Variants in ZNF362 observed in about 807,000 individuals in gnomAD.
The protein encoded by ZNF362 is rotund homolog.
ZNF362 carries 11 observed loss-of-function variants against 42.9 expected under a neutral mutation model. That is an observed-to-expected ratio of 0.26 (90% CI 0.16 to 0.42). The LOEUF is 0.42. Ranked by LOEUF, ZNF362 falls within the 20% of genes least tolerant of loss-of-function variation. ZNF362 has a pLI of 1.00. For missense variants in ZNF362, 362 were observed against 576.2 expected (o/e 0.63, Z 3.81); for synonymous variants, 255 against 257.3 (o/e 0.99, Z 0.09).
At chr1:33,180,684 C>T in the ZNF362 span, among the ~76,000 whole-genome samples, 1 of 152,234 alleles carries the variant, frequency 6.6e-6, no homozygotes, top group Non-Finnish European at 1.5e-5. Context: ...CACAACCCTG[C>T]CCCAGCCCAG....
chr1:33,297,440 C>G (rs540387863), intron 8 of ZNF362, among the ~76,000 whole-genome samples: 1 of 152,036 alleles, frequency 6.6e-6, no homozygotes, highest in African/African-American at 2.4e-5. Context: ...ATCAGATACT[C>G]AAATACCCGT....
At chr1:33,156,261 T>A in the ZNF362 span, among the ~76,000 whole-genome samples, 1 of 152,048 alleles carries the variant, frequency 6.6e-6, no homozygotes, top group East Asian at 1.9e-4. Flanking sequence ...ACTGCCACAC[T>A]CTCTCTCCTT....
At chr1:33,153,965 T>C in the ZNF362 span, among the ~76,000 whole-genome samples, 1 of 152,100 alleles carries the variant, frequency 6.6e-6, no homozygotes, top group Non-Finnish European at 1.5e-5. Context: ...AGTGAGACCA[T>C]GTAAGCCCAG....
At chr1:33,143,482 G>A in the ZNF362 span, among the ~76,000 whole-genome samples, 1 of 152,148 alleles carries the variant, frequency 6.6e-6, no homozygotes, top group Non-Finnish European at 1.5e-5. Context: ...TCTAGTCTCA[G>A]AATCACCCCA....
At chr1:33,164,444 G>C in the ZNF362 span, 1 of 152,342 alleles carries the variant, frequency 6.6e-6, no homozygotes, top group Non-Finnish European at 1.5e-5. Context: ...TCCAGTCCCA[G>C]AGTGCTGGAC....
chr1:33,148,477 C>T, the ZNF362 span, among the ~76,000 whole-genome samples: 32 of 152,136 alleles, frequency 2.1e-4, no homozygotes, highest in African/African-American at 7.0e-4. Flanking sequence ...CTAAGGGCAA[C>T]ACCACTGACT....
chr1:33,159,651 T>C, the ZNF362 span: 1 of 1,581,516 alleles, frequency 6.3e-7, no homozygotes, highest in East Asian at 2.3e-5. The surrounding 1 kb of genome is among the most constrained non-coding windows in gnomAD (Gnocchi z 4.2). Flanking sequence ...GAGGAGGGGA[T>C]GGTCAGCCGG....
chr1:33,252,354 A>AAAC (rs3075190), upstream of ZNF362, among the ~76,000 whole-genome samples: 115 of 150,112 alleles, frequency 7.7e-4, no homozygotes, highest in African/African-American at 2.4e-3. Context: ...CTCCATCTCA[A>AAAC]AACAACAACA....
At chr1:33,207,558 C>T in the ZNF362 span, among the ~76,000 whole-genome samples, 1 of 152,156 alleles carries the variant, frequency 6.6e-6, no homozygotes, top group Non-Finnish European at 1.5e-5. Flanking sequence ...CTAATTTACA[C>T]TCCCATCAAC....
intron 1 of ZNF362, among the ~76,000 whole-genome samples, chr1:33,258,186 G>A (rs912944463): frequency 6.6e-6 from 1 of 152,152 alleles, no homozygotes; most frequent in Non-Finnish European, 1.5e-5. Context: ...TTTGGACTTC[G>A]GTTAAGTTCC....
chr1:33,181,499 C>T, the ZNF362 span: 3 of 1,499,564 alleles, frequency 2.0e-6, no homozygotes, highest in Middle Eastern at 2.2e-4. This position sits in a 1 kb window ranked among gnomAD's most constrained non-coding sequence, Gnocchi z 6.5. Context: ...GCGGCGCTGT[C>T]GGAGGCAGCA....
At chr1:33,243,321 C>CA in the ZNF362 span, among the ~76,000 whole-genome samples, 1 of 151,604 alleles carries the variant, frequency 6.6e-6, no homozygotes, top group South Asian at 2.1e-4. Flanking sequence ...ACCACAGGTG[C>CA]ACCCGCCGCA....
At chr1:33,267,126 C>G (rs1645870155) in intron 1 of ZNF362, among the ~76,000 whole-genome samples, 1 of 152,136 alleles carries the variant, frequency 6.6e-6, no homozygotes, top group South Asian at 2.1e-4. Flanking sequence ...GCCCCACTCT[C>G]CTGGGTAAAC....
At chr1:33,264,912 G>T (rs914552182) in intron 1 of ZNF362, among the ~76,000 whole-genome samples, 2 of 152,052 alleles carry the variant, frequency 1.3e-5, no homozygotes, top group African/African-American at 2.4e-5. Flanking sequence ...TACATGCTTT[G>T]TAAGTGATTA....
chr1:33,232,862 C>G, the ZNF362 span, among the ~76,000 whole-genome samples: 1 of 152,218 alleles, frequency 6.6e-6, no homozygotes, highest in Non-Finnish European at 1.5e-5. Context: ...AACTGCCTCT[C>G]TGTGTTCTTC....
the ZNF362 span, among the ~76,000 whole-genome samples, chr1:33,216,599 C>CAAAAAAAAAAAAAAAAA: frequency 1.4e-5 from 1 of 71,886 alleles, no homozygotes; most frequent in Non-Finnish European, 2.6e-5. Context: ...GACTCTGTCT[C>CAAAAAAAAAAAAAAAAA]AAAAAAAAAA....
At chr1:33,239,396 T>C in the ZNF362 span, among the ~76,000 whole-genome samples, 3 of 152,308 alleles carry the variant, frequency 2.0e-5, no homozygotes, top group Admixed American at 2.0e-4. Flanking sequence ...TAATAATACA[T>C]AGTGGTACAC....
Position 33,295,074 on chromosome 1 carries a change from A to G in ZNF362, c.987+59A>G. On this transcript the variant is annotated intron_variant, in intron 7 of 8. Coordinates refer to ENST00000539719, the MANE Select transcript of ZNF362 (RefSeq NM_152493.3). ...CTCTGGTGCCCCCCCACCCACCCCC[A>G]CAAGGAAGCGTAGGAAGGGGGTGGG... 4.6e-6 allele frequency: 6 copies of G among 1,305,094 alleles called. No individual in the cohort carries two copies. In the South Asian group the frequency reaches 7.0e-5, roughly 15 times the overall value. The allele number at this position is 1,305,094 out of a possible 1,614,324, so 80.8% of individuals were successfully genotyped here.
chr1:33,207,285 C>CT, the ZNF362 span, among the ~76,000 whole-genome samples: 1 of 152,148 alleles, frequency 6.6e-6, no homozygotes, highest in Non-Finnish European at 1.5e-5. Context: ...TGAACTCATA[C>CT]TTTTTTATAG....
Sources: allele counts gnomAD v4.1 joint callset (sites outside exome capture counted in the v4.1 genomes callset), GRCh38; gene constraint gnomAD v4.1.1; non-coding constraint Gnocchi (gnomAD v3.1); transcripts MANE v1.5; gene names NCBI Gene and HGNC (gene_info 2026-07-23, HGNC 2026-07-21).